Variants in VARS1 observed in about 807,000 individuals in gnomAD.
VARS1 encodes the protein valyl-tRNA synthetase 1.
VARS1 carries 92 observed loss-of-function variants against 161.0 expected under a neutral mutation model. That is an observed-to-expected ratio of 0.57 (90% CI 0.48 to 0.68). VARS1 has a LOEUF of 0.68. Among genes scored for constraint, VARS1 ranks in the 30% least tolerant of loss-of-function variants. The pLI, the probability that VARS1 is intolerant of heterozygous loss-of-function variation, is 0.00. For synonymous variants in VARS1, 595 were observed against 682.5 expected (o/e 0.87, Z 2.00); for missense variants, 1,338 against 1,695.9 (o/e 0.79, Z 3.71).
In VARS1 at chr6:31,780,686, G is replaced by A. The variant is rs573145958; in HGVS notation, c.2797+19C>T. On this transcript the variant is annotated intron_variant, in intron 24 of 29. Coordinates refer to ENST00000375663, the MANE Select transcript of VARS1 (RefSeq NM_006295.3). The surrounding 1 kb of genome is among the most constrained non-coding windows in gnomAD (Gnocchi z 5.1). ...GAAGGAGGAAGGAGTGGCTGGGAGG[G>A]ACGCTTTGGGGGCCATACCCTGGGA... 6.2e-7 allele frequency: 1 copy of A among 1,614,118 alleles called. No homozygotes were observed. The highest frequency in any genetic ancestry group is 1.3e-5 in the African/African-American group (1 of 75,066).
rs1477834766 is a variant in VARS1, at chr6:31,782,238, C to G, written c.2150+47G>C. The G allele has an allele frequency of 6.2e-7, 1 of 1,610,526 alleles. No individual in the cohort carries two copies. ...TGATGGAGCCTGGCCCGAGTGAGCCCTGCTCAGCCCTCGGCAAGCCCCTCC... is the reference window on the plus strand; with the variant it reads ...TGATGGAGCCTGGCCCGAGTGAGCCGTGCTCAGCCCTCGGCAAGCCCCTCC... On this transcript the variant is annotated intron_variant, in intron 17 of 29. Coordinates refer to ENST00000375663, the MANE Select transcript of VARS1 (RefSeq NM_006295.3). This position sits in a 1 kb window ranked among gnomAD's most constrained non-coding sequence, Gnocchi z 8.3.
Position 31,791,678 on chromosome 6 carries a change from G to T in VARS1, c.1032C>A (p.Pro344=). Residue 344 remains proline, a synonymous_variant, in exon 8 of 30, where the codon CCC becomes CCA. Transcript: ENST00000375663. The surrounding 1 kb of genome is among the most constrained non-coding windows in gnomAD (Gnocchi z 5.0). ...CCAGGTGCAGGGAGCCTGTCACATTGGGGGGTGGGATGCACATCATGAAGA... is the reference window on the plus strand; with the variant it reads ...CCAGGTGCAGGGAGCCTGTCACATTTGGGGGTGGGATGCACATCATGAAGA... ...RGVFMMCIPP[P]NVTGSLHLGH... is the part of the protein sequence containing the mutation. 2 of 1,613,016 alleles carry T rather than the reference G, an allele frequency of 1.2e-6. No individual in the cohort carries two copies. The highest frequency in any genetic ancestry group is 8.5e-7 in the Non-Finnish European group (1 of 1,180,004).
chr6:31,791,942 T>C lies in VARS1; in HGVS notation c.901A>G (p.Ser301Gly). The change falls in exon 7 of 30, where the codon AGC (serine) becomes GGC (glycine). Residue 301 changes from serine (S) to glycine (G), a missense_variant. Around this residue, in one of 3 missense-constraint regions of VARS1, gnomAD observed 902 missense variants for 1,090.3 expected, o/e 0.83. Transcript: ENST00000375663. This position sits in a 1 kb window ranked among gnomAD's most constrained non-coding sequence, Gnocchi z 5.0. ...DVSGPMPDSY[S>G]PRYVEAAWYP... is the part of the protein sequence containing the mutation. ...CAGGCAGCCTCCACATACCGAGGGC[T>C]GTAGGAGTCGGGCATGGGGCCACTG... 1 of 1,601,340 alleles carries C rather than the reference T, an allele frequency of 6.2e-7. No homozygotes were observed. The highest frequency in any genetic ancestry group is 1.1e-5 in the South Asian group (1 of 89,724).
chr6:31,785,222 A>T lies in VARS1; in HGVS notation c.1347+24T>A. On this transcript the variant is annotated intron_variant, in intron 10 of 29. Transcript: ENST00000375663. This position sits in a 1 kb window ranked among gnomAD's most constrained non-coding sequence, Gnocchi z 6.1. The stretch of plus-strand genomic sequence containing the variant: ...CTGGGGAGACTCCTACTCCTGCCCC[A>T]GCTTTGACACTCCTCCCACGCACAG... The T allele has an allele frequency of 6.2e-7, 1 of 1,612,930 alleles. No homozygotes were observed. The highest frequency in any genetic ancestry group is 8.5e-7 in the Non-Finnish European group (1 of 1,179,936).
Position 31,779,824 on chromosome 6 carries a change from G to C in VARS1, c.3082-10C>G, listed in dbSNP as rs1451430233. ...CAGGTTTCAGGCACTCCTAGGGGACGAGAGGTACAGGGCTCACGGCTGGAG... is the reference window on the plus strand; with the variant it reads ...CAGGTTTCAGGCACTCCTAGGGGACCAGAGGTACAGGGCTCACGGCTGGAG... On this transcript the variant is annotated splice_polypyrimidine_tract_variant and intron_variant, in intron 26 of 29. Transcript: ENST00000375663. The surrounding 1 kb of genome is among the most constrained non-coding windows in gnomAD (Gnocchi z 9.1). 1 of 1,612,694 alleles carries C rather than the reference G, an allele frequency of 6.2e-7. No homozygotes were observed. Among genetic ancestry groups the C allele is most frequent in the East Asian group, 2.2e-5 (1 of 44,866 alleles).
At position 31,779,890 on chromosome 6, in the gene VARS1, A is replaced by C. The variant is rs1813018856; in HGVS notation, c.3082-76T>G. 6 of 1,603,338 alleles carry C rather than the reference A, an allele frequency of 3.7e-6. No homozygotes were observed. The South Asian group carries it at 6.6e-5, about 18-fold the overall frequency. On this transcript the variant is annotated intron_variant, in intron 26 of 29. Coordinates refer to ENST00000375663, the MANE Select transcript of VARS1 (RefSeq NM_006295.3). This position sits in a 1 kb window ranked among gnomAD's most constrained non-coding sequence, Gnocchi z 9.1. ...CTCGCTGTGCCTGTGAGGACTGGGAAGGGGATGGGTTGGCTTAGGTCTCAA... is the reference window on the plus strand; with the variant it reads ...CTCGCTGTGCCTGTGAGGACTGGGACGGGGATGGGTTGGCTTAGGTCTCAA...
chr6:31,795,203 G>A lies in VARS1; in HGVS notation c.15C>T (p.Tyr5=). 2 of 1,455,942 alleles carry A rather than the reference G, an allele frequency of 1.4e-6. No homozygotes were observed. Among genetic ancestry groups the A allele is most frequent in the Non-Finnish European group, 1.8e-6 (2 of 1,104,276 alleles). 90.2% of individuals were successfully genotyped at this position (1,455,942 alleles called of 1,614,324 possible). A position where few individuals can be genotyped will look rare whatever the true frequency, so the allele number is the denominator to read the frequency against. The change falls in exon 2 of 30, where the codon TAC becomes TAT. Residue 5 remains tyrosine, a synonymous_variant. Coordinates refer to ENST00000375663, the MANE Select transcript of VARS1 (RefSeq NM_006295.3). This position sits in a 1 kb window ranked among gnomAD's most constrained non-coding sequence, Gnocchi z 6.9. ...GGAAGGCATCTGGGTGAGGGGAGAC[G>A]TAGAGGGTGGACATAGTTATGAGAA... MSTL[Y]VSPHPDAFPS...
Position 31,791,143 on chromosome 6 carries a change from T to C in VARS1, c.1100+467A>G, listed in dbSNP as rs1345389966. ...TCCGGCCTGGGCAACAGAACAAGAC[T>C]CTGTCCCCCCAAAAAAAAATATATA... On this transcript the variant is annotated intron_variant, in intron 8 of 29. Transcript: ENST00000375663. This position sits in a 1 kb window ranked among gnomAD's most constrained non-coding sequence, Gnocchi z 5.0. Among the ~76,000 whole-genome samples the C allele has an allele frequency of 6.6e-6, 1 of 151,952 alleles. No homozygotes were observed. The highest frequency in any genetic ancestry group is 1.5e-5 in the Non-Finnish European group (1 of 67,996).
chr6:31,788,227 C>T (rs528925509), intron 8 of VARS1, among the ~76,000 whole-genome samples: 3 of 151,980 alleles, frequency 2.0e-5, no homozygotes, highest in South Asian at 2.1e-4. Flanking sequence ...GTTGGCTGGA[C>T]GAAGTGGCTC....
At chr6:31,783,255 A>G (rs1040810475) in intron 13 of VARS1, 69 bp from the exon 14 acceptor site, 19 of 1,538,674 alleles carry the variant, frequency 1.2e-5, no homozygotes, top group African/African-American at 4.1e-5. Context: ...CTGTAATCCC[A>G]GAACTTTGGG....
At position 31,780,525 on chromosome 6, in the gene VARS1, G is replaced by A. The variant is rs1457155886; in HGVS notation, c.2841C>T (p.Arg947=). Residue 947 remains arginine, a synonymous_variant, in exon 25 of 30, where the codon CGC becomes CGT. Coordinates refer to ENST00000375663, the MANE Select transcript of VARS1 (RefSeq NM_006295.3). This position sits in a 1 kb window ranked among gnomAD's most constrained non-coding sequence, Gnocchi z 5.1. ...NLDVNRILGY[R]HFCNKLWNAT... ...CATTCCAGAGCTTGTTGCAGAAGTG[G>A]CGGTAACCCAGTATCCGGTTCACAT... 1.9e-6 allele frequency: 3 copies of A among 1,614,046 alleles called. No individual in the cohort carries two copies. The South Asian group carries it at 3.3e-5, about 18-fold the overall frequency.
Position 31,793,099 on chromosome 6 carries a change from T to C in VARS1, c.409A>G (p.Arg137Gly), listed in dbSNP as rs765433748. The change falls in exon 3 of 30, where the codon AGG becomes GGG. Residue 137 changes from arginine to glycine, a missense_variant. By Grantham distance (125) the Arg-to-Gly change is moderately radical. This residue lies in a region of VARS1 where 902 missense variants were observed against 1,090.3 expected (regional missense o/e 0.83). Coordinates refer to ENST00000375663, the MANE Select transcript of VARS1 (RefSeq NM_006295.3). ...CACTCCTCCAAGGGGCTCAGGGCCCTGCCCAGGGCCCCCAGCACAGCCTGG... is the reference window on the plus strand; with the variant it reads ...CACTCCTCCAAGGGGCTCAGGGCCCCGCCCAGGGCCCCCAGCACAGCCTGG... The part of the protein sequence containing the change: ...DPQAVLGALG[R>G]ALSPLEEWLR... 5.0e-6 allele frequency: 8 copies of C among 1,602,858 alleles called. No individual in the cohort carries two copies. In the East Asian group the frequency reaches 1.8e-4, roughly 36 times the overall value.
At chr6:31,789,436 CA>C (rs2151430131) in intron 8 of VARS1, among the ~76,000 whole-genome samples, 1 of 152,128 alleles carries the variant, frequency 6.6e-6, no homozygotes, top group South Asian at 2.1e-4. Flanking sequence ...ATCAGATTGG[CA>C]AAACTAATTA....
In VARS1 at chr6:31,795,102, C is replaced by CG; in HGVS notation, c.115dup (p.Arg39ProfsTer10). The CG allele has an allele frequency of 6.7e-7, 1 of 1,484,154 alleles. No homozygotes were observed. The highest frequency in any genetic ancestry group is 1.4e-5 in the African/African-American group (1 of 71,544). The allele number at this position is 1,484,154 out of a possible 1,614,324, so 91.9% of individuals were successfully genotyped here. A position where few individuals can be genotyped will look rare whatever the true frequency, so the allele number is the denominator to read the frequency against. On this transcript the variant is annotated frameshift_variant, in exon 2 of 30. Transcript: ENST00000375663. LOFTEE classifies it high-confidence loss of function. This position sits in a 1 kb window ranked among gnomAD's most constrained non-coding sequence, Gnocchi z 6.9. ...AGTCGGGGGTGGCTGGAGACAGATGCGGGGGTGGGCTCCTCCCCATCCGGG... is the reference window on the plus strand; with the variant it reads ...AGTCGGGGGTGGCTGGAGACAGATGCGGGGGGTGGGCTCCTCCCCATCCGGG...
chr6:31,788,441 A>G (rs1813649830), intron 8 of VARS1, among the ~76,000 whole-genome samples: 1 of 150,764 alleles, frequency 6.6e-6, no homozygotes, highest in Non-Finnish European at 1.5e-5. Flanking sequence ...CAGAGGTTGC[A>G]GTAAGCGCGC....
chr6:31,784,294 C>T lies in VARS1; in HGVS notation c.1591G>A (p.Val531Met), dbSNP rs1013115061. Residue 531 changes from valine to methionine, a missense_variant, in exon 13 of 30, where the codon GTG (valine) becomes ATG (methionine). Around this residue, in one of 3 missense-constraint regions of VARS1, gnomAD observed 902 missense variants for 1,090.3 expected, o/e 0.83. Coordinates refer to ENST00000375663, the MANE Select transcript of VARS1 (RefSeq NM_006295.3). The surrounding 1 kb of genome is among the most constrained non-coding windows in gnomAD (Gnocchi z 6.1). ...KVQGSDSDEE[V>M]VVATTRIETM... Reference sequence around the variant, plus strand: ...TCGATCCGAGTTGTTGCCACCACCACCTCCTCGTCGCTATCTGGGGTGACA... The same window carrying T: ...TCGATCCGAGTTGTTGCCACCACCATCTCCTCGTCGCTATCTGGGGTGACA... 1 of 1,614,222 alleles carries T rather than the reference C, an allele frequency of 6.2e-7. No homozygotes were observed. Among genetic ancestry groups the T allele is most frequent in the Non-Finnish European group, 8.5e-7 (1 of 1,180,056 alleles).
Position 31,784,314 on chromosome 6 carries a change from G to A in VARS1, c.1577-6C>T, listed in dbSNP as rs986184756. 6.2e-7 allele frequency: 1 copy of A among 1,614,146 alleles called. No homozygotes were observed. The highest frequency in any genetic ancestry group is 8.5e-7 in the Non-Finnish European group (1 of 1,180,034). The stretch of plus-strand genomic sequence containing the variant: ...CACCACCTCCTCGTCGCTATCTGGG[G>A]TGACAGAAGGCCTTGTGGTCTTGGC... On this transcript the variant is annotated splice_region_variant and splice_polypyrimidine_tract_variant and intron_variant, in intron 12 of 29. Transcript: ENST00000375663. The surrounding 1 kb of genome is among the most constrained non-coding windows in gnomAD (Gnocchi z 6.1).
chr6:31,783,067 T>A (rs1208851671), intron 14 of VARS1, 29 bp downstream of exon 14: 2 of 1,609,140 alleles, frequency 1.2e-6, no homozygotes, highest in African/African-American at 2.7e-5. Context: ...AGTCTTTTCC[T>A]CTCCCCACAG....
rs1441129312 is a variant in VARS1 at position 31,782,698 on chromosome 6, A to C, written c.1887+23T>G. The C allele has an allele frequency of 1.9e-6, 3 of 1,612,832 alleles. No individual in the cohort carries two copies. The highest frequency in any genetic ancestry group is 3.3e-5 in the Admixed American group (2 of 60,014). On this transcript the variant is annotated intron_variant, in intron 15 of 29. Coordinates refer to ENST00000375663, the MANE Select transcript of VARS1 (RefSeq NM_006295.3). The surrounding 1 kb of genome is among the most constrained non-coding windows in gnomAD (Gnocchi z 8.3). ...ATCCCTCCATCTCCCTGACCCGGGC[A>C]CTCTTGCCTCAGGCAGCCTCACCAG...
Sources: gnomAD v4.1 joint callset for allele counts (sites outside exome capture counted in the v4.1 genomes callset) on GRCh38, gnomAD v4.1.1 for gene constraint, gnomAD v4.1.1 regional missense constraint, Gnocchi (gnomAD v3.1) non-coding constraint, MANE v1.5 for transcripts, NCBI Gene and HGNC (gene_info 2026-07-23, HGNC 2026-07-21) for gene names.